Variants in STAG1 observed in about 807,000 individuals in gnomAD.
The protein encoded by STAG1 is cohesin subunit SA-1.
STAG1 carries 26 observed loss-of-function variants against 170.9 expected under a neutral mutation model. The observed-to-expected ratio is 0.15, with a 90% CI of 0.11 to 0.21. The LOEUF (loss-of-function observed/expected upper bound fraction) is 0.21, where lower values mean the gene tolerates loss of function less well. Ranked by LOEUF, STAG1 falls within the 10% of genes least tolerant of loss-of-function variation. The pLI is 1.00. For missense variants in STAG1, 964 were observed against 1,509.5 expected, an observed-to-expected ratio of 0.64 and a Z score of 5.99; for synonymous variants, 514 against 497.7, an observed-to-expected ratio of 1.03 and a Z score of -0.44.
chr3:136,434,474 G>A (rs2088397500), intron 15 of STAG1, among the ~76,000 whole-genome samples: 1 of 152,044 alleles, frequency 6.6e-6, no homozygotes, highest in East Asian at 1.9e-4. Context: ...TTTTCCCTAA[G>A]ATTTGTCTAT....
chr3:136,488,907 C>T (rs1032151566), intron 9 of STAG1, among the ~76,000 whole-genome samples: 3 of 151,882 alleles, frequency 2.0e-5, no homozygotes, highest in African/African-American at 7.3e-5. Context: ...TCTCTATTTC[C>T]AATAGCCTCA....
intron 12 of STAG1, among the ~76,000 whole-genome samples, chr3:136,471,478 T>C (rs1309901021): frequency 1.3e-5 from 2 of 152,036 alleles, no homozygotes; most frequent in African/African-American, 4.8e-5. Flanking sequence ...TTAGAACATA[T>C]ATTATAAAGC....
chr3:136,414,877 T>C lies in STAG1; in HGVS notation c.2196+3008A>G, dbSNP rs147914907. Among the ~76,000 whole-genome samples the C allele has an allele frequency of 4.6e-5, 7 of 152,298 alleles. No individual in the cohort carries two copies. The East Asian group carries it at 1.3e-3, about 29-fold the overall frequency. On this transcript the variant is annotated intron_variant, in intron 21 of 33. Coordinates refer to ENST00000383202, the MANE Select transcript of STAG1 (RefSeq NM_005862.3). ...TGTAGAGTTATTAAGTGGCCTAATT[T>C]CAATATTGTTTTGTCTCAGGGAATA...
Position 136,517,700 on chromosome 3 carries a change from T to C in STAG1, c.676+3513A>G, listed in dbSNP as rs78534289. On this transcript the variant is annotated intron_variant, in intron 7 of 33. Coordinates refer to ENST00000383202, the MANE Select transcript of STAG1 (RefSeq NM_005862.3). ...AAAGTTCCCAGTCTCAGATTGTAAA[T>C]CCACCAAAATAATTATGACACAATG... 6.3e-3 allele frequency among the ~76,000 whole-genome samples: 959 copies of C among 152,100 alleles called. 11 individuals carry two copies. The highest frequency in any genetic ancestry group is 0.022 in the African/African-American group (911 of 41,518).
intron 5 of STAG1, among the ~76,000 whole-genome samples, chr3:136,545,526 T>C (rs1328245410): frequency 6.6e-6 from 1 of 152,094 alleles, no homozygotes; most frequent in Non-Finnish European, 1.5e-5. Flanking sequence ...TAAACAAATA[T>C]CAGTATACCA....
At chr3:136,552,054 G>A (rs376738059) in intron 5 of STAG1, among the ~76,000 whole-genome samples, 6 of 152,128 alleles carry the variant, frequency 3.9e-5, no homozygotes, top group African/African-American at 1.4e-4. Flanking sequence ...AACCCATCAG[G>A]ATTACTTGTG....
At chr3:136,549,171 G>A (rs993324763) in intron 5 of STAG1, among the ~76,000 whole-genome samples, 2 of 152,060 alleles carry the variant, frequency 1.3e-5, no homozygotes, top group Non-Finnish European at 2.9e-5. Context: ...ATTGCAAATT[G>A]GAATGTTTTC....
chr3:136,723,565 G>T (rs1382091901), intron 1 of STAG1, among the ~76,000 whole-genome samples: 1 of 151,870 alleles, frequency 6.6e-6, no homozygotes, highest in Admixed American at 6.5e-5. Context: ...GGAAGTGGGG[G>T]TCAGCCCCCG....
chr3:136,635,317 T>C (rs147746502), intron 1 of STAG1, among the ~76,000 whole-genome samples: 1 of 151,988 alleles, frequency 6.6e-6, no homozygotes, highest in East Asian at 1.9e-4. Flanking sequence ...GGTTCAACAT[T>C]CAAAAATCAA....
chr3:136,609,438 C>CAT (rs1368115625), intron 3 of STAG1: 4 of 149,398 alleles, frequency 2.7e-5, no homozygotes, highest in Admixed American at 6.7e-5. Context: ...TACACACACA[C>CAT]ATATATACAT....
chr3:136,479,057 TTTC>T (rs944728006), intron 9 of STAG1, among the ~76,000 whole-genome samples: 13 of 77,630 alleles, frequency 1.7e-4, no homozygotes, highest in East Asian at 1.6e-3. Flanking sequence ...TATTATAATC[TTTC>T]TTTTTTTTTT....
intron 1 of STAG1, among the ~76,000 whole-genome samples, chr3:136,652,093 A>G (rs1448809378): frequency 6.6e-6 from 1 of 152,236 alleles, no homozygotes; most frequent in Non-Finnish European, 1.5e-5. Flanking sequence ...AAAAGCAATA[A>G]AAGATTTCAC....
intron 1 of STAG1, among the ~76,000 whole-genome samples, chr3:136,687,830 G>A (rs1305127743): frequency 6.6e-6 from 1 of 151,172 alleles, no homozygotes; most frequent in Non-Finnish European, 1.5e-5. Context: ...TCCACCTCCT[G>A]GGTTCAAGTG....
intron 1 of STAG1, among the ~76,000 whole-genome samples, chr3:136,687,386 AT>A (rs1374819345): frequency 3.9e-5 from 6 of 152,050 alleles, no homozygotes; most frequent in Non-Finnish European, 7.4e-5. Flanking sequence ...AATCTGTTAA[AT>A]TTTTTTTCTT....
chr3:136,748,891 T>C (rs968875795), intron 1 of STAG1, among the ~76,000 whole-genome samples: 2 of 152,040 alleles, frequency 1.3e-5, no homozygotes, highest in African/African-American at 4.8e-5. Flanking sequence ...TAAACTAAGG[T>C]ACCAGGAAAC....
intron 9 of STAG1, among the ~76,000 whole-genome samples, chr3:136,494,807 T>C (rs770334997): frequency 2.8e-4 from 43 of 152,328 alleles, no homozygotes; most frequent in Admixed American, 1.9e-3. Context: ...CAAAACTTAG[T>C]TAATAACATC....
chr3:136,597,452 T>C (rs1030298098), intron 4 of STAG1, among the ~76,000 whole-genome samples: 1 of 152,224 alleles, frequency 6.6e-6, no homozygotes, highest in Non-Finnish European at 1.5e-5. Context: ...ACAACCTTAC[T>C]GACTATTGGT....
At chr3:136,717,011 C>A (rs1438851029) in intron 1 of STAG1, among the ~76,000 whole-genome samples, 2 of 152,198 alleles carry the variant, frequency 1.3e-5, no homozygotes, top group Non-Finnish European at 2.9e-5. Flanking sequence ...TCACAGGGAT[C>A]AAATGGGAAT....
chr3:136,353,412 T>C (rs1936510266), intron 28 of STAG1, among the ~76,000 whole-genome samples: 2 of 152,178 alleles, frequency 1.3e-5, no homozygotes, highest in African/African-American at 4.8e-5. Flanking sequence ...GGATTCATCA[T>C]AGGAAAAATG....
Sources: gnomAD v4.1 joint callset for allele counts (sites outside exome capture counted in the v4.1 genomes callset) on GRCh38, gnomAD v4.1.1 for gene constraint, MANE v1.5 for transcripts, NCBI Gene and HGNC (gene_info 2026-07-23, HGNC 2026-07-21) for gene names.